Variants in TTLL11 observed in about 807,000 individuals in gnomAD.
The protein encoded by TTLL11 is tubulin tyrosine ligase like 11.
A neutral mutation model predicts 51.7 loss-of-function variants in TTLL11; 42 were observed. The ratio of observed to expected loss-of-function variants is 0.81; its 90% CI spans 0.64 to 1.05. The LOEUF is 1.05. TTLL11 is among the 50% of genes least tolerant of loss of function. The pLI, the probability that TTLL11 is intolerant of heterozygous loss-of-function variation, is 0.00. For missense variants in TTLL11, 799 were observed against 940.4 expected (o/e 0.85, Z 1.97); for synonymous variants, 381 against 383.5 (o/e 0.99, Z 0.08).
At chr9:121,871,751 C>T (rs1242932921) in intron 6 of TTLL11, among the ~76,000 whole-genome samples, 1 of 152,224 alleles carries the variant, frequency 6.6e-6, no homozygotes, top group Non-Finnish European at 1.5e-5. Context: ...TCCAATCATC[C>T]CCCTGCCAGG....
At chr9:121,828,382 C>T (rs988163676) in intron 8 of TTLL11, among the ~76,000 whole-genome samples, 2 of 152,046 alleles carry the variant, frequency 1.3e-5, no homozygotes, top group Non-Finnish European at 2.9e-5. Flanking sequence ...GCCTTCTTGG[C>T]CAGGCTGGTC....
At chr9:122,051,688 G>A (rs1338090189) in intron 1 of TTLL11, among the ~76,000 whole-genome samples, 5 of 152,028 alleles carry the variant, frequency 3.3e-5, no homozygotes, top group Non-Finnish European at 7.4e-5. Context: ...CCACTCGCTG[G>A]TTGAGCTCTC....
intron 6 of TTLL11, among the ~76,000 whole-genome samples, chr9:121,943,350 A>G (rs1388473829): frequency 6.6e-6 from 1 of 152,168 alleles, no homozygotes; most frequent in East Asian, 1.9e-4. Context: ...ACCGTAACAG[A>G]CACTAAGATA....
In TTLL11 at chr9:121,860,368, C is replaced by G. The variant is rs767065512; in HGVS notation, c.1809G>C (p.Trp603Cys). 2 of 1,551,480 alleles carry G rather than the reference C, an allele frequency of 1.3e-6. No individual in the cohort carries two copies. Among genetic ancestry groups the G allele is most frequent in the Non-Finnish European group, 1.7e-6 (2 of 1,146,940 alleles). The change falls in exon 8 of 9, where the codon TGG becomes TGC. Residue 603 changes from tryptophan (W) to cysteine (C), a missense_variant. Physicochemically the swap from Trp to Cys is radical, Grantham distance 215. This residue lies in a region of TTLL11 where 165 missense variants were observed against 166.1 expected (regional missense o/e 0.99). Coordinates refer to ENST00000321582, the MANE Select transcript of TTLL11 (RefSeq NM_001139442.2). ...DILYIDITRRWNSMTLDQRDS... is the reference protein window; with the variant it reads ...DILYIDITRRCNSMTLDQRDS... The stretch of plus-strand genomic sequence containing the variant: ...CCCGCTGGTCCAGGGTCATGGAGTT[C>G]CACCTCCGTGTGATGTCAATGTAGA...
At chr9:121,824,956 T>G (rs746168188) in intron 8 of TTLL11, among the ~76,000 whole-genome samples, 1 of 152,220 alleles carries the variant, frequency 6.6e-6, no homozygotes. Flanking sequence ...GCCTCCCTTA[T>G]AGTCCATCAG....
At chr9:121,934,674 G>C (rs1193780259) in intron 6 of TTLL11, among the ~76,000 whole-genome samples, 1 of 152,134 alleles carries the variant, frequency 6.6e-6, no homozygotes, top group East Asian at 1.9e-4. Flanking sequence ...ATTGTTTCAA[G>C]ACAAAAGGGG....
At chr9:121,998,067 A>G (rs546023133) in intron 3 of TTLL11, among the ~76,000 whole-genome samples, 86 of 152,304 alleles carry the variant, frequency 5.6e-4, no homozygotes, top group African/African-American at 2.0e-3. Flanking sequence ...CTCCCCTTGC[A>G]GCTAAAATTG....
intron 6 of TTLL11, among the ~76,000 whole-genome samples, chr9:121,933,232 G>A (rs1484938858): frequency 6.6e-6 from 1 of 152,174 alleles, no homozygotes; most frequent in Non-Finnish European, 1.5e-5. Flanking sequence ...CTACGGAAGG[G>A]AGAAAATGCG....
intron 3 of TTLL11, among the ~76,000 whole-genome samples, chr9:122,004,029 G>A (rs923225639): frequency 1.3e-5 from 2 of 151,598 alleles, no homozygotes; most frequent in Admixed American, 6.6e-5. Flanking sequence ...GGCTGAGGTG[G>A]GAGAACTGCT....
chr9:122,055,203 GGATAGATA>G (rs1222958113), intron 1 of TTLL11, among the ~76,000 whole-genome samples: 23 of 144,768 alleles, frequency 1.6e-4, no homozygotes, highest in Admixed American at 2.8e-4. Flanking sequence ...AGGACTAATA[GGATAGATA>G]GATAGATAGA....
At chr9:122,034,054 C>A (rs538996732) in intron 2 of TTLL11, among the ~76,000 whole-genome samples, 1 of 152,320 alleles carries the variant, frequency 6.6e-6, no homozygotes, top group Admixed American at 6.5e-5. Flanking sequence ...TAAAATGTTA[C>A]CGTATTGAAC....
At chr9:121,832,930 A>G (rs1388411153) in intron 8 of TTLL11, among the ~76,000 whole-genome samples, 5 of 152,200 alleles carry the variant, frequency 3.3e-5, no homozygotes, top group African/African-American at 1.2e-4. Flanking sequence ...ACAGAGTGAG[A>G]TTCCATCTCA....
intron 3 of TTLL11, among the ~76,000 whole-genome samples, chr9:121,998,583 G>A (rs953510078): frequency 1.3e-5 from 2 of 151,636 alleles, no homozygotes; most frequent in Admixed American, 1.3e-4. Context: ...ACCGCACCCA[G>A]CCTAAACTTT....
In TTLL11 at chr9:122,093,180, A is replaced by ACCG. The variant is rs752683967; in HGVS notation, c.-35_-33dup. ...CAGGGCCGGGGCCAGTGCCAGTGCCACCGCCGCCGCCGCCGCCGCTCCGCC... is the reference window on the plus strand; with the variant it reads ...CAGGGCCGGGGCCAGTGCCAGTGCCACCGCCGCCGCCGCCGCCGCCGCTCCGCC... On this transcript the variant is annotated 5_prime_UTR_variant, in exon 1 of 9. Transcript: ENST00000321582. 528 of 1,486,060 alleles carry ACCG rather than the reference A, an allele frequency of 3.6e-4. 1 individual carries two copies. Among genetic ancestry groups the ACCG allele is most frequent in the Admixed American group, 8.8e-4 (39 of 44,080 alleles). The allele number at this position is 1,486,060 out of a possible 1,614,324, so 92.1% of individuals were successfully genotyped here.
At chr9:121,999,301 G>C (rs1843387526) in intron 3 of TTLL11, among the ~76,000 whole-genome samples, 1 of 152,122 alleles carries the variant, frequency 6.6e-6, no homozygotes, top group Admixed American at 6.5e-5. Context: ...TCTATCTCTG[G>C]AGCGTACCTC....
intron 7 of TTLL11, among the ~76,000 whole-genome samples, chr9:121,869,947 T>C (rs962668727): frequency 2.6e-5 from 4 of 152,234 alleles, no homozygotes; most frequent in African/African-American, 9.6e-5. Flanking sequence ...AGCAAAGATA[T>C]AATTTCTTTA....
At chr9:122,055,387 T>C (rs1432732765) in intron 1 of TTLL11, among the ~76,000 whole-genome samples, 3 of 152,194 alleles carry the variant, frequency 2.0e-5, no homozygotes, top group Admixed American at 1.3e-4. Context: ...GCATCCAGCA[T>C]GGGAGAAAGA....
chr9:122,022,805 T>C (rs1007798799), intron 3 of TTLL11, among the ~76,000 whole-genome samples: 1 of 151,986 alleles, frequency 6.6e-6, no homozygotes, highest in Non-Finnish European at 1.5e-5. Flanking sequence ...ATGATAACAA[T>C]GTAGTCTGGA....
At chr9:121,921,888 A>C (rs1259567587) in intron 6 of TTLL11, among the ~76,000 whole-genome samples, 1 of 152,220 alleles carries the variant, frequency 6.6e-6, no homozygotes, top group Non-Finnish European at 1.5e-5. Flanking sequence ...TGAAAAAAAG[A>C]GGCTGATGGT....
Sources: allele counts gnomAD v4.1 joint callset (sites outside exome capture counted in the v4.1 genomes callset), GRCh38; gene constraint gnomAD v4.1.1; regional missense constraint gnomAD v4.1.1; transcripts MANE v1.5; gene names NCBI Gene and HGNC (gene_info 2026-07-23, HGNC 2026-07-21).